CSMD1: variants seen among roughly 807,000 people sequenced by gnomAD.
CSMD1 encodes the protein CUB and sushi domain-containing protein 1.
CSMD1 carries 213 observed loss-of-function variants against 417.5 expected under a neutral mutation model. The observed-to-expected ratio is 0.51, with a 90% CI of 0.46 to 0.57. The LOEUF (loss-of-function observed/expected upper bound fraction) is 0.57, where lower values mean the gene tolerates loss of function less well. Among genes scored for constraint, CSMD1 ranks in the 20% least tolerant of loss-of-function variants. The pLI is 0.00. For synonymous variants in CSMD1, 2,862 were observed against 1,736.8 expected (o/e 1.65, Z -16.11); for missense variants, 6,923 against 4,529.7 (o/e 1.53, Z -15.17).
intron 3 of CSMD1, among the ~76,000 whole-genome samples, chr8:4,324,724 T>C (rs1799458694): frequency 6.6e-6 from 1 of 152,214 alleles, no homozygotes; most frequent in African/African-American, 2.4e-5. Flanking sequence ...GGTGTTGTTA[T>C]ATATGGATGA....
chr8:4,071,878 C>A (rs1402949229), intron 3 of CSMD1, among the ~76,000 whole-genome samples: 5 of 152,242 alleles, frequency 3.3e-5, no homozygotes, highest in African/African-American at 9.6e-5. Context: ...TCCTCAGCTA[C>A]CCCATTTGGA....
In CSMD1 at chr8:4,760,359, T is replaced by C. The variant is rs73661116; in HGVS notation, c.86-122801A>G. 6.1e-3 allele frequency among the ~76,000 whole-genome samples: 927 copies of C among 152,264 alleles called. 8 individuals carry two copies. The highest frequency in any genetic ancestry group is 0.022 in the African/African-American group (896 of 41,560). ...CTAGTGAAATCAACATGAAGGTGAA[T>C]CGAGGACATGTCTGCTGCACAAATG... On this transcript the variant is annotated intron_variant, in intron 1 of 69. Coordinates refer to ENST00000635120, the MANE Select transcript of CSMD1 (RefSeq NM_033225.6).
chr8:4,099,605 C>G (rs1367623183), intron 3 of CSMD1, among the ~76,000 whole-genome samples: 1 of 151,696 alleles, frequency 6.6e-6, no homozygotes, highest in Non-Finnish European at 1.5e-5. Flanking sequence ...TCAAAACCAT[C>G]CCCCAATTAA....
chr8:4,484,980 CAAAAAAAAAAAAAAAAAAAA>C (rs57398278), intron 2 of CSMD1, among the ~76,000 whole-genome samples: 29 of 53,938 alleles, frequency 5.4e-4, no homozygotes, highest in East Asian at 2.4e-3. Context: ...GACTCTGCCT[CAAAAAAAAAAAAAAAAAAAA>C]AAAAAAAAAA....
Position 4,122,506 on chromosome 8 carries a change from G to C in CSMD1, c.416-90407C>G, listed in dbSNP as rs147545188. ...TAGATTAAGTAAACTGTCTAAAAGA[G>C]AACCAGAAAGTACCAGCCGCATTTT... On this transcript the variant is annotated intron_variant, in intron 3 of 69. Transcript: ENST00000635120. Among the ~76,000 whole-genome samples the C allele has an allele frequency of 3.0e-3, 463 of 152,238 alleles. 2 individuals are homozygous for C. Among genetic ancestry groups the C allele is most frequent in the African/African-American group, 0.011 (438 of 41,530 alleles).
At chr8:3,833,437 AAT>A (rs1802484502) in intron 5 of CSMD1, among the ~76,000 whole-genome samples, 14 of 152,134 alleles carry the variant, frequency 9.2e-5, no homozygotes, top group Admixed American at 9.2e-4. Flanking sequence ...TTATATCATA[AAT>A]ATGACAGTTT....
chr8:4,055,265 A>T (rs1160815317), intron 3 of CSMD1, among the ~76,000 whole-genome samples: 1 of 152,168 alleles, frequency 6.6e-6, no homozygotes, highest in Non-Finnish European at 1.5e-5. Context: ...AATTCAGGTT[A>T]AACAATTTTT....
chr8:3,076,899 A>T (rs745797086), intron 49 of CSMD1, among the ~76,000 whole-genome samples: 2 of 152,080 alleles, frequency 1.3e-5, no homozygotes, highest in Non-Finnish European at 2.9e-5. Flanking sequence ...TGCTACCTGG[A>T]TATACTACAT....
chr8:3,398,573 T>C (rs1210933948), intron 16 of CSMD1, among the ~76,000 whole-genome samples: 1 of 152,188 alleles, frequency 6.6e-6, no homozygotes, highest in Non-Finnish European at 1.5e-5. Context: ...GACACCATAA[T>C]ATTCCGGATA....
At chr8:4,776,614 A>C (rs1032874248) in intron 1 of CSMD1, among the ~76,000 whole-genome samples, 1 of 152,192 alleles carries the variant, frequency 6.6e-6, no homozygotes, top group Non-Finnish European at 1.5e-5. Flanking sequence ...ACCTCCAGGT[A>C]CTATCACATA....
chr8:4,048,907 T>A (rs1212621836), intron 3 of CSMD1, among the ~76,000 whole-genome samples: 5 of 152,150 alleles, frequency 3.3e-5, no homozygotes, highest in Non-Finnish European at 7.3e-5. Flanking sequence ...ATAGTCTATT[T>A]GCTAATTTTT....
intron 1 of CSMD1, among the ~76,000 whole-genome samples, chr8:4,729,419 C>T (rs191648494): frequency 6.6e-6 from 1 of 152,220 alleles, no homozygotes; most frequent in South Asian, 2.1e-4. Context: ...GTATCCACAA[C>T]TTCTTCAAAG....
At chr8:3,675,908 A>G (rs187816762) in intron 7 of CSMD1, among the ~76,000 whole-genome samples, 1 of 152,176 alleles carries the variant, frequency 6.6e-6, no homozygotes, top group Admixed American at 6.5e-5. Context: ...GTTCTCTCTC[A>G]GCACTGTCCC....
chr8:4,312,394 C>T (rs111230935), intron 3 of CSMD1, among the ~76,000 whole-genome samples: 8,145 of 39,318 alleles, frequency 0.21, 1,787 homozygotes, highest in African/African-American at 0.33. Context: ...TATATATATA[C>T]ATACATATAT....
intron 23 of CSMD1, among the ~76,000 whole-genome samples, chr8:3,309,048 T>G (rs1805116791): frequency 6.6e-6 from 1 of 152,046 alleles, no homozygotes; most frequent in Admixed American, 6.6e-5. Context: ...TTTCCGGAGT[T>G]CCACAACTTC....
chr8:4,090,038 G>C (rs1367872971), intron 3 of CSMD1, among the ~76,000 whole-genome samples: 1 of 152,152 alleles, frequency 6.6e-6, no homozygotes, highest in Admixed American at 6.5e-5. Context: ...ATTTGATATT[G>C]ATTTATCATA....
chr8:3,830,784 C>T (rs533433639), intron 5 of CSMD1, among the ~76,000 whole-genome samples: 48 of 152,154 alleles, frequency 3.2e-4, no homozygotes, highest in African/African-American at 9.2e-4. Flanking sequence ...TGGATATGCA[C>T]GCCAGTAAAA....
At chr8:3,986,783 T>C (rs1420657178) in intron 5 of CSMD1, among the ~76,000 whole-genome samples, 1 of 151,716 alleles carries the variant, frequency 6.6e-6, no homozygotes, top group Non-Finnish European at 1.5e-5. Flanking sequence ...TTAGATGGAG[T>C]CTCACCCTGT....
At chr8:3,413,035 C>T (rs1272385778) in intron 12 of CSMD1, among the ~76,000 whole-genome samples, 1 of 152,164 alleles carries the variant, frequency 6.6e-6, no homozygotes, top group Non-Finnish European at 1.5e-5. Context: ...CCACTGTGAT[C>T]AATTTAGTCT....
Sources: gnomAD v4.1 joint callset for allele counts (sites outside exome capture counted in the v4.1 genomes callset) on GRCh38, gnomAD v4.1.1 for gene constraint, MANE v1.5 for transcripts, NCBI Gene and HGNC (gene_info 2026-07-23, HGNC 2026-07-21) for gene names.